The following APTX variants were observed in gnomAD, a reference collection of about 807,000 sequenced individuals.
The protein encoded by APTX is aprataxin.
In APTX, 33 loss-of-function variants were observed where a neutral mutation model predicts 42.3. That is an observed-to-expected ratio of 0.78 (90% CI 0.59 to 1.04). The LOEUF (loss-of-function observed/expected upper bound fraction) is 1.04, where lower values mean the gene tolerates loss of function less well. Among genes scored for constraint, APTX ranks in the 50% least tolerant of loss-of-function variants. The pLI, the probability that APTX is intolerant of heterozygous loss-of-function variation, is 0.00. For missense variants in APTX, 421 were observed against 415.1 expected (o/e 1.01, Z -0.12); for synonymous variants, 130 against 146.7 (o/e 0.89, Z 0.82).
chr9:32,976,563 T>C (rs1388211730), intron 6 of APTX, among the ~76,000 whole-genome samples: 2 of 152,200 alleles, frequency 1.3e-5, no homozygotes, highest in Admixed American at 1.3e-4. Flanking sequence ...GCTTAATATC[T>C]GGTCAGTATA....
At chr9:32,976,972 CCAT>C (rs1829570549) in intron 6 of APTX, among the ~76,000 whole-genome samples, 1 of 152,116 alleles carries the variant, frequency 6.6e-6, no homozygotes, top group Non-Finnish European at 1.5e-5. Flanking sequence ...TGAATATACA[CCAT>C]ATTTGTTAAA....
chr9:33,015,368 T>C, intron 1 of APTX, among the ~76,000 whole-genome samples: 1 of 152,206 alleles, frequency 6.6e-6, no homozygotes, highest in East Asian at 1.9e-4. Context: ...ATTTTTTCTT[T>C]TCTTTTTTTG....
Position 32,988,690 on chromosome 9 carries a change from A to AGG in APTX, c.134-562_134-561insCC, listed in dbSNP as rs1563970098. 1.6e-4 allele frequency among the ~76,000 whole-genome samples: 13 copies of AGG among 81,110 alleles called. No homozygotes were observed. The East Asian group carries it at 2.1e-3, about 13-fold the overall frequency. The allele number at this position is 81,110 out of a possible 152,430, so 53.2% of individuals were successfully genotyped here. A position where few individuals can be genotyped will look rare whatever the true frequency, so the allele number is the denominator to read the frequency against. ...AGTGAGACCCTATCTCAGGAGGAAA[A>AGG]AAAAAAAAAAAAAAAAAAAAAAAGA... On this transcript the variant is annotated intron_variant, in intron 2 of 7. Transcript: ENST00000379817.
chr9:32,986,386 G>A (rs1378016559), intron 4 of APTX, among the ~76,000 whole-genome samples: 5 of 151,714 alleles, frequency 3.3e-5, no homozygotes, highest in Admixed American at 6.6e-5. Context: ...TAGTAGAGAC[G>A]GAGTTTCACC....
Position 32,988,074 on chromosome 9 carries a change from T to C in APTX, c.180+9A>G. ...CGAGTATAAAATTCCAAGTTATAAATACACCTACCTGCTTTACCTTGACAT... is the reference window on the plus strand; with the variant it reads ...CGAGTATAAAATTCCAAGTTATAAACACACCTACCTGCTTTACCTTGACAT... On this transcript the variant is annotated intron_variant, in intron 3 of 7. Transcript: ENST00000379817. 1 of 1,613,566 alleles carries C rather than the reference T, an allele frequency of 6.2e-7. No individual in the cohort carries two copies. The highest frequency in any genetic ancestry group is 8.5e-7 in the Non-Finnish European group (1 of 1,179,486).
rs570051445 is a variant in APTX, at chr9:33,013,354, T to C, written c.-5+11669A>G. On this transcript the variant is annotated intron_variant, in intron 1 of 6. Coordinates refer to the APTX transcript ENST00000436040. ...GATTCAGTTTCCAGAATTTGTATTG[T>C]TAGCCACTACAATGCCTTTCCCAGT... is the stretch of plus-strand genomic sequence containing the variant. 6.6e-5 allele frequency among the ~76,000 whole-genome samples: 10 copies of C among 152,294 alleles called. No homozygotes were observed. In the South Asian group the frequency reaches 1.9e-3, roughly 28 times the overall value.
chr9:32,976,800 T>C (rs1412378190), intron 6 of APTX, among the ~76,000 whole-genome samples: 1 of 152,230 alleles, frequency 6.6e-6, no homozygotes, highest in Admixed American at 6.5e-5. Context: ...TAAAATCTAT[T>C]AAGTACAATA....
intron 1 of APTX, among the ~76,000 whole-genome samples, chr9:33,020,825 G>A (rs775894114): frequency 4.6e-5 from 7 of 152,150 alleles, no homozygotes; most frequent in Non-Finnish European, 8.8e-5. Flanking sequence ...GAACACTTAC[G>A]GCCATGTGGT....
chr9:32,998,937 CA>C (rs748507894), intron 1 of APTX, among the ~76,000 whole-genome samples: 20 of 148,652 alleles, frequency 1.3e-4, no homozygotes, highest in African/African-American at 1.2e-4. Context: ...GCCAAAGTCA[CA>C]AACAACAGAA....
intron 1 of APTX, among the ~76,000 whole-genome samples, chr9:32,991,178 G>A (rs1021518116): frequency 1.3e-5 from 2 of 151,880 alleles, no homozygotes; most frequent in South Asian, 2.1e-4. Flanking sequence ...CGCCTGCCTC[G>A]GCCTCCCAAA....
At chr9:33,024,495 ATTGT>A (rs1408481830) in intron 1 of APTX, among the ~76,000 whole-genome samples, 1 of 152,146 alleles carries the variant, frequency 6.6e-6, no homozygotes, top group Non-Finnish European at 1.5e-5. Flanking sequence ...AATTAAACAA[ATTGT>A]TTTAGTCAGA....
In APTX at chr9:32,983,073, T is replaced by A. The variant is rs531070520; in HGVS notation, c.770+1558A>T. ...GATCCTTCCAACTCAACCTCCCAAG[T>A]AGCAGGTGTGCACCACCACCCTTGG... On this transcript the variant is annotated intron_variant, in intron 6 of 7. Transcript: ENST00000379817. Among the ~76,000 whole-genome samples, 66 of 152,226 alleles carry A rather than the reference T, an allele frequency of 4.3e-4. No individual in the cohort carries two copies. The South Asian group carries it at 0.013, about 30-fold the overall frequency.
Position 32,972,749 on chromosome 9 carries a change from T to C in APTX, c.*749A>G. On this transcript the variant is annotated 3_prime_UTR_variant, in exon 8 of 8. Transcript: ENST00000379817. ...CTGAACTTCAATAGTTTCCACCTACTTAAGAGAGATGCCTCAAACAAATTA... is the reference window on the plus strand; with the variant it reads ...CTGAACTTCAATAGTTTCCACCTACCTAAGAGAGATGCCTCAAACAAATTA... 2.2e-6 allele frequency: 1 copy of C among 454,106 alleles called. No individual in the cohort carries two copies. The highest frequency in any genetic ancestry group is 6.9e-5 in the East Asian group (1 of 14,398). The allele number at this position is 454,106 out of a possible 1,614,324, so 28.1% of individuals were successfully genotyped here.
intron 1 of APTX, among the ~76,000 whole-genome samples, chr9:32,995,698 T>C (rs563956558): frequency 1.4e-4 from 21 of 152,064 alleles, no homozygotes; most frequent in Admixed American, 3.9e-4. Flanking sequence ...CCATCCTGGC[T>C]AACACGGTGA....
intron 6 of APTX, among the ~76,000 whole-genome samples, chr9:32,983,180 A>T (rs1831108128): frequency 6.6e-6 from 1 of 152,140 alleles, no homozygotes; most frequent in Non-Finnish European, 1.5e-5. Flanking sequence ...CAAGGGGAAA[A>T]AAATAAATAA....
At chr9:32,987,420 G>C (rs542539223) in intron 4 of APTX, 124 bp downstream of exon 4, 15 of 1,325,770 alleles carry the variant, frequency 1.1e-5, no homozygotes, top group Admixed American at 1.8e-5. Flanking sequence ...CCACAAACAA[G>C]TGACTCTTTC....
At chr9:33,004,334 C>T (rs900482548), upstream of APTX, among the ~76,000 whole-genome samples, 4 of 152,130 alleles carry the variant, frequency 2.6e-5, no homozygotes, top group African/African-American at 4.8e-5. Flanking sequence ...AACTATTACT[C>T]GGGTGATAGG....
upstream of APTX, among the ~76,000 whole-genome samples, chr9:33,003,109 C>A (rs1305373752): frequency 6.6e-6 from 1 of 152,210 alleles, no homozygotes; most frequent in African/African-American, 2.4e-5. Flanking sequence ...AATTAAGCAT[C>A]CCTCTCGGTT....
rs1365171166 is a variant in APTX, at chr9:32,973,258, G to A, written c.*240C>T. ...CCTGACATGGGTCCTTCTGAAGATG[G>A]TGGGTCAGGTATATCCCAGCCACCC... On this transcript the variant is annotated 3_prime_UTR_variant, in exon 8 of 8. Transcript: ENST00000379817. 6 of 611,904 alleles carry A rather than the reference G, an allele frequency of 9.8e-6. No individual in the cohort carries two copies. Among genetic ancestry groups the A allele is most frequent in the Admixed American group, 8.5e-5 (4 of 47,122 alleles). 37.9% of individuals were successfully genotyped at this position (611,904 alleles called of 1,614,324 possible).
Sources: allele counts gnomAD v4.1 joint callset (sites outside exome capture counted in the v4.1 genomes callset), GRCh38; gene constraint gnomAD v4.1.1; transcripts MANE v1.5; gene names NCBI Gene and HGNC (gene_info 2026-07-23, HGNC 2026-07-21).